The following CPE variants were observed in gnomAD, a reference collection of about 807,000 sequenced individuals.
CPE encodes the protein carboxypeptidase E.
In CPE, 17 loss-of-function variants were observed where a neutral mutation model predicts 53.5. That is an observed-to-expected ratio of 0.32 (90% CI 0.22 to 0.48). CPE has a LOEUF of 0.48. Among genes scored for constraint, CPE ranks in the 20% least tolerant of loss-of-function variants. The probability of loss-of-function intolerance (pLI) is 0.99; values close to 1 mark genes in which losing one functional copy is unlikely to be tolerated. For missense variants in CPE, 524 were observed against 614.7 expected, an observed-to-expected ratio of 0.85 and a Z score of 1.56; for synonymous variants, 226 against 228.8, an observed-to-expected ratio of 0.99 and a Z score of 0.11.
At chr4:165,469,450 A>G (rs897998869) in intron 3 of CPE, among the ~76,000 whole-genome samples, 3 of 152,120 alleles carry the variant, frequency 2.0e-5, no homozygotes, top group African/African-American at 4.8e-5. Flanking sequence ...TCGATACCCT[A>G]TAGACTCAAC....
chr4:165,417,690 T>G (rs370231678), intron 1 of CPE, among the ~76,000 whole-genome samples: 12 of 152,106 alleles, frequency 7.9e-5, no homozygotes, highest in Admixed American at 3.3e-4. Flanking sequence ...AGTATAAATG[T>G]GAAGCCTCAC....
At chr4:165,458,707 T>C (rs9997013) in intron 1 of CPE, among the ~76,000 whole-genome samples, 108,425 of 152,048 alleles carry the variant, frequency 0.71, 38,801 homozygotes, top group East Asian at 0.78. Context: ...GTTTTCTTCC[T>C]ATAGAAAGGC....
At chr4:165,442,509 C>T (rs144538090) in intron 1 of CPE, among the ~76,000 whole-genome samples, 470 of 152,204 alleles carry the variant, frequency 3.1e-3, no homozygotes, top group Non-Finnish European at 5.2e-3. Context: ...ATTCAGTTTC[C>T]AGATTATAAC....
chr4:165,484,595 G>T lies in CPE; in HGVS notation c.964G>T (p.Val322Leu). 6.2e-7 allele frequency: 1 copy of T among 1,613,514 alleles called. No individual in the cohort carries two copies. Among genetic ancestry groups the T allele is most frequent in the Non-Finnish European group, 8.5e-7 (1 of 1,179,682 alleles). Residue 322 changes from valine to leucine, a missense_variant, in exon 5 of 9, where the codon GTA (valine) becomes TTA (leucine). Transcript: ENST00000402744. ...GTTNGGAWYS[V>L]PGGMQDFNYL... is the part of the protein sequence containing the mutation. Reference sequence around the variant, plus strand: ...CACCAACGGTGGTGCTTGGTACAGCGTACCTGGAGGTGAGTTTCCATTGTG... The same window carrying T: ...CACCAACGGTGGTGCTTGGTACAGCTTACCTGGAGGTGAGTTTCCATTGTG...
chr4:165,468,344 C>G (rs1234463284), intron 3 of CPE, among the ~76,000 whole-genome samples: 1 of 152,092 alleles, frequency 6.6e-6, no homozygotes, highest in African/African-American at 2.4e-5. Context: ...TTATTTGCTT[C>G]CCTGGGCTTC....
intron 1 of CPE, among the ~76,000 whole-genome samples, chr4:165,398,685 A>G (rs1730815734): frequency 6.6e-6 from 1 of 152,168 alleles, no homozygotes; most frequent in Non-Finnish European, 1.5e-5. Flanking sequence ...TGAAAATCCA[A>G]TATTTTTTCT....
At chr4:165,411,843 G>A (rs1159283308) in intron 1 of CPE, among the ~76,000 whole-genome samples, 1 of 152,180 alleles carries the variant, frequency 6.6e-6, no homozygotes, top group Non-Finnish European at 1.5e-5. Context: ...CTATACCTGT[G>A]GCTGGTGATG....
intron 3 of CPE, 32 bp downstream of exon 3, chr4:165,467,887 G>T (rs201036265): frequency 5.6e-6 from 9 of 1,605,180 alleles, no homozygotes; most frequent in Non-Finnish European, 7.7e-6. Flanking sequence ...TCTTGGGTTC[G>T]TCTCTAGCCT....
At chr4:165,484,226 G>A (rs1046970387) in intron 4 of CPE, among the ~76,000 whole-genome samples, 196 bp from the exon 5 acceptor site, 3 of 152,028 alleles carry the variant, frequency 2.0e-5, no homozygotes, top group Admixed American at 6.6e-5. Context: ...CTACTTTGTA[G>A]TATTAGGAAT....
At position 165,440,469 on chromosome 4, in the gene CPE, C is replaced by T. The variant is rs1579262461; in HGVS notation, c.308-23921C>T. ...TCACAACCCCACCCCCCCCCACACA[C>T]ACAAGCTGTGGTTTCTGGAACAGTG... On this transcript the variant is annotated intron_variant, in intron 1 of 8. Coordinates refer to ENST00000402744, the MANE Select transcript of CPE (RefSeq NM_001873.4). Among the ~76,000 whole-genome samples, 4 of 131,918 alleles carry T rather than the reference C, an allele frequency of 3.0e-5. 1 individual carries two copies. The highest frequency in any genetic ancestry group is 8.8e-5 in the African/African-American group (3 of 34,142). 86.5% of individuals were successfully genotyped at this position (131,918 alleles called of 152,430 possible).
intron 1 of CPE, among the ~76,000 whole-genome samples, chr4:165,428,400 A>G (rs1434008661): frequency 6.6e-6 from 1 of 151,170 alleles, no homozygotes; most frequent in East Asian, 1.9e-4. Context: ...TATAGAAGCA[A>G]CCAAATAATT....
At chr4:165,458,085 T>A (rs1731933493) in intron 1 of CPE, among the ~76,000 whole-genome samples, 1 of 152,220 alleles carries the variant, frequency 6.6e-6, no homozygotes, top group African/African-American at 2.4e-5. Flanking sequence ...GGGGAAACAA[T>A]TAGTAGCACT....
rs560332773 is a variant in CPE, at chr4:165,458,906, TA to T, written c.308-5483del. ...TTTTCATAGGAGTGGAAGACAATAT[TA>T]TTTTTTACTTTTGTCTTTTTATTTG... On this transcript the variant is annotated intron_variant, in intron 1 of 8. Coordinates refer to ENST00000402744, the MANE Select transcript of CPE (RefSeq NM_001873.4). Among the ~76,000 whole-genome samples the T allele has an allele frequency of 1.2e-3, 184 of 152,342 alleles. 1 individual carries two copies. Among genetic ancestry groups the T allele is most frequent in the African/African-American group, 4.1e-3 (171 of 41,578 alleles).
chr4:165,480,176 CATA>C (rs1732379954), intron 3 of CPE, among the ~76,000 whole-genome samples: 1 of 152,060 alleles, frequency 6.6e-6, no homozygotes, highest in Admixed American at 6.6e-5. Context: ...CTTTAAAACA[CATA>C]ATAATTCCAT....
chr4:165,467,336 A>G (rs1262030744), intron 2 of CPE, among the ~76,000 whole-genome samples: 2 of 152,210 alleles, frequency 1.3e-5, no homozygotes, highest in Non-Finnish European at 2.9e-5. Context: ...GAAAAAAGAA[A>G]AAGAAACTAA....
chr4:165,460,100 C>T (rs574608121), intron 1 of CPE, among the ~76,000 whole-genome samples: 1 of 152,010 alleles, frequency 6.6e-6, no homozygotes, highest in Non-Finnish European at 1.5e-5. Context: ...GATCCACATA[C>T]CTGGCAGCTG....
intron 3 of CPE, among the ~76,000 whole-genome samples, chr4:165,478,817 A>G (rs1205456111): frequency 6.6e-6 from 1 of 152,142 alleles, no homozygotes; most frequent in Non-Finnish European, 1.5e-5. Context: ...CCTCCCTCTC[A>G]GAGAGTATTT....
chr4:165,492,189 A>G (rs186867245), intron 6 of CPE, among the ~76,000 whole-genome samples: 23 of 152,336 alleles, frequency 1.5e-4, no homozygotes, highest in African/African-American at 5.1e-4. Flanking sequence ...CAGCTCTCCC[A>G]TCTTCTTTCT....
intron 1 of CPE, among the ~76,000 whole-genome samples, chr4:165,410,145 A>T (rs1030135082): frequency 6.6e-6 from 1 of 150,910 alleles, no homozygotes; most frequent in African/African-American, 2.4e-5. Context: ...GCTACTTGGG[A>T]GGCTGAGGCA....
Sources: allele counts gnomAD v4.1 joint callset (sites outside exome capture counted in the v4.1 genomes callset), GRCh38; gene constraint gnomAD v4.1.1; transcripts MANE v1.5; gene names NCBI Gene and HGNC (gene_info 2026-07-23, HGNC 2026-07-21).